The following DYDC1 variants were observed in gnomAD, a reference collection of about 807,000 sequenced individuals.
DYDC1 encodes DPY30 domain-containing protein 1.
Under a neutral mutation model 27.9 loss-of-function variants are expected in DYDC1, and 21 were observed. The observed-to-expected ratio is 0.75, with a 90% confidence interval of 0.53 to 1.08. The LOEUF (loss-of-function observed/expected upper bound fraction) is 1.08. Ranked by LOEUF, DYDC1 falls within the 50% of genes least tolerant of loss-of-function variation. The pLI is 0.00. For synonymous variants in DYDC1, 67 were observed against 65.8 expected (o/e 1.02, Z -0.09); for missense variants, 202 against 205.9 (o/e 0.98, Z 0.12).
At chr10:80,345,028 T>G (rs537695642) in intron 3 of DYDC1, among the ~76,000 whole-genome samples, 1 of 148,868 alleles carries the variant, frequency 6.7e-6, no homozygotes, top group East Asian at 2.0e-4. Context: ...AGAAAAAGGC[T>G]GAGCTGAACA....
intron 3 of DYDC1, among the ~76,000 whole-genome samples, chr10:80,346,903 C>G (rs555154735): frequency 6.6e-6 from 1 of 151,286 alleles, no homozygotes; most frequent in African/African-American, 2.4e-5. Context: ...GGCGAAACCC[C>G]GTCTCTACTA....
chr10:80,341,442 C>CAA (rs58419721), intron 4 of DYDC1, among the ~76,000 whole-genome samples: 3,514 of 46,504 alleles, frequency 0.076, 278 homozygotes, highest in African/African-American at 0.1. Context: ...GACTCTGTCT[C>CAA]AAAAAAAAAA....
chr10:80,342,980 C>CAAAAAAAAAAAAAAA (rs55665661), intron 3 of DYDC1, among the ~76,000 whole-genome samples: 4 of 93,888 alleles, frequency 4.3e-5, no homozygotes, highest in Non-Finnish European at 4.3e-5. Flanking sequence ...GACTCCCTCT[C>CAAAAAAAAAAAAAAA]AAAAAAAAAA....
intron 3 of DYDC1, among the ~76,000 whole-genome samples, chr10:80,347,722 T>C (rs1252944091): frequency 3.3e-5 from 5 of 152,182 alleles, no homozygotes; most frequent in African/African-American, 1.2e-4. Flanking sequence ...CCTTTTCCCT[T>C]TGTGTTTTCT....
intron 3 of DYDC1, among the ~76,000 whole-genome samples, chr10:80,343,395 C>A (rs889210808): frequency 6.6e-6 from 1 of 152,084 alleles, no homozygotes; most frequent in African/African-American, 2.4e-5. Flanking sequence ...CACTACAAAC[C>A]GCAGTAACAT....
chr10:80,340,879 TA>T (rs1307266450), intron 4 of DYDC1, among the ~76,000 whole-genome samples: 1 of 152,224 alleles, frequency 6.6e-6, no homozygotes, highest in African/African-American at 2.4e-5. Context: ...CATACAGGCA[TA>T]TCCCTGTGCT....
At chr10:80,345,188 T>G (rs1411894150) in intron 3 of DYDC1, among the ~76,000 whole-genome samples, 1 of 152,226 alleles carries the variant, frequency 6.6e-6, no homozygotes, top group Admixed American at 6.5e-5. Flanking sequence ...TCTTGTAAAC[T>G]GGACCATCAA....
At chr10:80,342,561 G>A (rs1307139607) in intron 3 of DYDC1, among the ~76,000 whole-genome samples, 200 bp from the exon 4 acceptor site, 1 of 152,178 alleles carries the variant, frequency 6.6e-6, no homozygotes, top group Non-Finnish European at 1.5e-5. Flanking sequence ...AGCACAATTT[G>A]TACAAAATTA....
At chr10:80,356,534 A>G in intron 1 of DYDC1, 178 bp downstream of exon 1, 1 of 985,292 alleles carries the variant, frequency 1.0e-6, no homozygotes, top group Non-Finnish European at 1.2e-6. Flanking sequence ...GCTCAGGGGG[A>G]GCAGGAGGAC....
At chr10:80,343,222 T>A (rs926386908) in intron 3 of DYDC1, among the ~76,000 whole-genome samples, 2 of 152,146 alleles carry the variant, frequency 1.3e-5, no homozygotes, top group Non-Finnish European at 2.9e-5. Flanking sequence ...AGGAAAACGG[T>A]ATGAAATGTA....
intron 3 of DYDC1, among the ~76,000 whole-genome samples, chr10:80,344,013 G>A (rs570176553): frequency 4.6e-5 from 7 of 152,240 alleles, no homozygotes; most frequent in African/African-American, 1.4e-4. Flanking sequence ...CCACTTGGGA[G>A]GCTGAGGCAA....
chr10:80,354,347 G>C (rs893801682), intron 1 of DYDC1: 1 of 150,986 alleles, frequency 6.6e-6, no homozygotes, highest in Non-Finnish European at 1.5e-5. Flanking sequence ...TTATCTGGGC[G>C]TGGTGGCACA....
intron 6 of DYDC1, chr10:80,337,052 G>T: frequency 1.1e-6 from 1 of 918,284 alleles, no homozygotes; most frequent in Non-Finnish European, 1.3e-6. Flanking sequence ...CACCTCTCCA[G>T]CTTAAAATCA....
intron 3 of DYDC1, chr10:80,344,799 C>A: frequency 7.0e-6 from 2 of 284,446 alleles, no homozygotes; most frequent in Middle Eastern, 1.1e-3. Context: ...CTGAGACCTC[C>A]CCAGCAATGT....
rs1481346284 is a variant in DYDC1 at position 80,352,523 on chromosome 10, CT to C, written c.78del (p.Val27TrpfsTer4). The stretch of plus-strand genomic sequence containing the variant: ...AATGCTAAATATTCTATCGGATCCA[CT>C]GGGCGAACTCTTGCCACTTCTGCAA... ...QGLAEVARVR[P>X]VDPIEYLALW... is the part of the protein sequence containing the mutation. On this transcript the variant is annotated frameshift_variant, in exon 2 of 7. Transcript: ENST00000372202. LOFTEE classifies it high-confidence loss of function. 1.2e-6 allele frequency: 2 copies of C among 1,613,548 alleles called. No individual in the cohort carries two copies. The highest frequency in any genetic ancestry group is 1.7e-6 in the Non-Finnish European group (2 of 1,179,872).
intron 1 of DYDC1, among the ~76,000 whole-genome samples, chr10:80,353,943 G>T (rs2132849080): frequency 6.6e-6 from 1 of 152,100 alleles, no homozygotes; most frequent in East Asian, 1.9e-4. Context: ...GTGAAACCCA[G>T]TCTCTACTGA....
At chr10:80,352,111 T>G (rs1426002746) in intron 2 of DYDC1, 109 bp from the exon 3 acceptor site, 1 of 961,554 alleles carries the variant, frequency 1.0e-6, no homozygotes, top group African/African-American at 1.6e-5. Context: ...GTTAAGCAAA[T>G]TATAGCCCAT....
chr10:80,352,521 C>T lies in DYDC1; in HGVS notation c.81G>A (p.Val27=), dbSNP rs764398748. 5.0e-6 allele frequency: 8 copies of T among 1,613,444 alleles called. No homozygotes were observed. The highest frequency in any genetic ancestry group is 6.8e-6 in the Non-Finnish European group (8 of 1,179,840). ...GLAEVARVRP[V]DPIEYLALWI... ...ACAATGCTAAATATTCTATCGGATC[C>T]ACTGGGCGAACTCTTGCCACTTCTG... is the stretch of plus-strand genomic sequence containing the variant. The change falls in exon 2 of 7, where the codon GTG becomes GTA. Residue 27 remains valine (V), a synonymous_variant. Transcript: ENST00000372202.
chr10:80,338,803 C>T (rs1395021398), intron 5 of DYDC1, among the ~76,000 whole-genome samples: 5 of 152,014 alleles, frequency 3.3e-5, no homozygotes, highest in Non-Finnish European at 7.4e-5. Flanking sequence ...TTTAAAAATA[C>T]CTGCAGAAAT....
Sources: gnomAD v4.1 joint callset for allele counts (sites outside exome capture counted in the v4.1 genomes callset) on GRCh38, gnomAD v4.1.1 for gene constraint, MANE v1.5 for transcripts, NCBI Gene and HGNC (gene_info 2026-07-23, HGNC 2026-07-21) for gene names.